PALLD: variants seen among roughly 807,000 people sequenced by gnomAD.
PALLD encodes palladin.
In PALLD, 61 loss-of-function variants were observed where a neutral mutation model predicts 123.5. The ratio of observed to expected loss-of-function variants is 0.49; its 90% CI spans 0.40 to 0.61. The LOEUF is 0.61. PALLD is among the 20% of genes least tolerant of loss of function. The pLI, the probability that PALLD is intolerant of heterozygous loss-of-function variation, is 0.00. For synonymous variants in PALLD, 465 were observed against 496.4 expected, an observed-to-expected ratio of 0.94 and a Z score of 0.84; for missense variants, 1,273 against 1,377.0, an observed-to-expected ratio of 0.92 and a Z score of 1.20.
intron 10 of PALLD, chr4:168,877,881 C>G: frequency 1.4e-6 from 2 of 1,443,612 alleles, no homozygotes; most frequent in South Asian, 2.7e-5. Flanking sequence ...CCGCCCGCGT[C>G]CCCGGAGCCC....
At chr4:168,756,481 A>G (rs1408358220) in intron 10 of PALLD, 1 of 157,072 alleles carries the variant, frequency 6.4e-6, no homozygotes, top group Admixed American at 6.5e-5. Flanking sequence ...ACAGCTATTG[A>G]AAAATAAAGT....
At chr4:168,905,436 C>T (rs921509560) in intron 15 of PALLD, among the ~76,000 whole-genome samples, 1 of 151,864 alleles carries the variant, frequency 6.6e-6, no homozygotes, top group South Asian at 2.1e-4. Flanking sequence ...GTGTGAGGCA[C>T]TGCACCCGGC....
intron 18 of PALLD, among the ~76,000 whole-genome samples, chr4:168,922,046 C>T (rs542676008): frequency 6.7e-6 from 1 of 149,756 alleles, no homozygotes; most frequent in East Asian, 2.0e-4. Context: ...GCATGGACTC[C>T]AAGAACCAAA....
At chr4:168,579,836 G>T (rs1770052150) in intron 2 of PALLD, among the ~76,000 whole-genome samples, 1 of 151,956 alleles carries the variant, frequency 6.6e-6, no homozygotes, top group South Asian at 2.1e-4. Flanking sequence ...AATGATTACT[G>T]CAATCAAGCT....
At chr4:168,802,429 A>T (rs1739479889) in intron 10 of PALLD, among the ~76,000 whole-genome samples, 1 of 152,222 alleles carries the variant, frequency 6.6e-6, no homozygotes, top group Admixed American at 6.5e-5. Flanking sequence ...TTACAGCAAC[A>T]TGGATGGAAC....
chr4:168,922,100 TATACAC>T (rs1355387029), intron 18 of PALLD, among the ~76,000 whole-genome samples: 4,807 of 96,198 alleles, frequency 0.05, 103 homozygotes, highest in Middle Eastern at 0.12. Flanking sequence ...TATATATATA[TATACAC>T]ACACACACAC....
intron 2 of PALLD, among the ~76,000 whole-genome samples, chr4:168,569,236 T>A (rs755264121): frequency 3.3e-5 from 5 of 152,242 alleles, no homozygotes; most frequent in Non-Finnish European, 7.4e-5. Flanking sequence ...GCCACTCCCC[T>A]CTACATAGCA....
intron 10 of PALLD, chr4:168,864,442 C>T (rs1018959776): frequency 3.9e-5 from 6 of 152,180 alleles, no homozygotes; most frequent in Admixed American, 2.0e-4. Context: ...TTGGTGGCCT[C>T]CTGTGTGGCA....
Position 168,689,967 on chromosome 4 carries a change from T to C in PALLD, c.1336-636T>C, listed in dbSNP as rs557721322. ...ATTGTAAAGATTTATTGGTCTGGAG[T>C]TGGAGTGCGGTGAGGGACAACAAAG... On this transcript the variant is annotated intron_variant, in intron 6 of 21. Transcript: ENST00000505667. 2.1e-4 allele frequency among the ~76,000 whole-genome samples: 32 copies of C among 152,126 alleles called. No individual in the cohort carries two copies. The South Asian group carries it at 2.7e-3, about 13-fold the overall frequency.
chr4:168,625,512 T>TATATATATATATATATATATATATAG (rs1775172568), intron 2 of PALLD, among the ~76,000 whole-genome samples: 1 of 143,876 alleles, frequency 7.0e-6, no homozygotes, highest in Admixed American at 7.2e-5. Flanking sequence ...GATATATATA[T>TATATATATATATATATATATATATAG]ATATATCCTA....
chr4:168,673,827 G>C (rs986868448), intron 3 of PALLD, among the ~76,000 whole-genome samples: 1 of 152,078 alleles, frequency 6.6e-6, no homozygotes. Flanking sequence ...TCTGAAATGA[G>C]GAAGACGGAA....
At chr4:168,668,109 C>T (rs1413255953) in intron 2 of PALLD, 81 bp from the exon 3 acceptor site, 1 of 1,083,514 alleles carries the variant, frequency 9.2e-7, no homozygotes, top group Non-Finnish European at 1.4e-6. Context: ...TAGCAACCAG[C>T]CTTCACTTCT....
rs1041397280 is a variant in PALLD at position 168,703,423 on chromosome 4, C to T, written c.1502-5605C>T. Among the ~76,000 whole-genome samples the T allele has an allele frequency of 1.7e-5, 2 of 120,492 alleles. 1 individual carries two copies. The highest frequency in any genetic ancestry group is 8.8e-5 in the African/African-American group (2 of 22,608). 79.0% of individuals were successfully genotyped at this position (120,492 alleles called of 152,430 possible). A position where few individuals can be genotyped will look rare whatever the true frequency, so the allele number is the denominator to read the frequency against. On this transcript the variant is annotated intron_variant, in intron 8 of 21. Transcript: ENST00000505667. The stretch of plus-strand genomic sequence containing the variant: ...ATTTATAGTCCTTTGGGTATATACC[C>T]AGTAATGGGATGGCTGGGTCAAATG...
At chr4:168,603,610 T>G (rs1446022382) in intron 2 of PALLD, among the ~76,000 whole-genome samples, 1 of 152,200 alleles carries the variant, frequency 6.6e-6, no homozygotes, top group African/African-American at 2.4e-5. Context: ...TTCTTGTTAT[T>G]TTCATAGTAG....
intron 4 of PALLD, 141 bp from the exon 5 acceptor site, chr4:168,682,857 A>T (rs1196751344): frequency 8.3e-6 from 5 of 604,028 alleles, no homozygotes; most frequent in Non-Finnish European, 1.5e-5. Context: ...AAGCAATTAC[A>T]GTTGAAGCGG....
Position 168,846,309 on chromosome 4 carries a change from T to C in PALLD, c.1965-44613T>C, listed in dbSNP as rs17054539. ...AACGTGGACAACTGAAAGTTAAATA[T>C]GTCCGTTTGATATGGGTAATTTAAG... On this transcript the variant is annotated intron_variant, in intron 10 of 21. Coordinates refer to ENST00000505667, the MANE Select transcript of PALLD (RefSeq NM_001166108.2). Among the ~76,000 whole-genome samples, 1,213 of 152,336 alleles carry C rather than the reference T, an allele frequency of 8.0e-3. 11 individuals carry two copies. The highest frequency in any genetic ancestry group is 0.027 in the African/African-American group (1,113 of 41,580).
intron 2 of PALLD, among the ~76,000 whole-genome samples, chr4:168,518,794 A>C (rs561217289): frequency 1.3e-5 from 2 of 152,272 alleles, no homozygotes; most frequent in Non-Finnish European, 2.9e-5. Context: ...TTCTTCCTTC[A>C]CTAGAATATA....
chr4:168,737,895 T>A (rs1195014447), intron 10 of PALLD, among the ~76,000 whole-genome samples: 4 of 152,238 alleles, frequency 2.6e-5, no homozygotes, highest in Non-Finnish European at 2.9e-5. Flanking sequence ...GGTTTCGGGC[T>A]GAGCAAAACA....
At chr4:168,847,923 C>T (rs994162183) in intron 10 of PALLD, among the ~76,000 whole-genome samples, 1 of 152,138 alleles carries the variant, frequency 6.6e-6, no homozygotes, top group African/African-American at 2.4e-5. Context: ...TAAGAGAGAG[C>T]TAATTAGCTG....
Sources: allele counts gnomAD v4.1 joint callset (sites outside exome capture counted in the v4.1 genomes callset), GRCh38; gene constraint gnomAD v4.1.1; transcripts MANE v1.5; gene names NCBI Gene and HGNC (gene_info 2026-07-23, HGNC 2026-07-21).